The following CTNNA3 variants were observed in gnomAD, a reference collection of about 807,000 sequenced individuals.
The protein encoded by CTNNA3 is catenin alpha-3.
CTNNA3 carries 76 observed loss-of-function variants against 95.7 expected under a neutral mutation model. That is an observed-to-expected ratio of 0.79 (90% CI 0.66 to 0.96). The LOEUF (loss-of-function observed/expected upper bound fraction) is 0.96. CTNNA3 is among the 40% of genes least tolerant of loss of function. CTNNA3 has a pLI of 0.00. For synonymous variants in CTNNA3, 431 were observed against 374.4 expected (o/e 1.15, Z -1.74); for missense variants, 1,191 against 1,089.8 (o/e 1.09, Z -1.31).
Position 67,748,475 on chromosome 10 carries a change from C to G in CTNNA3, c.-2+14959G>C, listed in dbSNP as rs1841385074. Among the ~76,000 whole-genome samples the G allele has an allele frequency of 5.9e-5, 9 of 152,192 alleles. No homozygotes were observed. In the South Asian group the frequency reaches 1.9e-3, roughly 32 times the overall value. Reference sequence around the variant, plus strand: ...CAACATTCTTAAAGAAAAGAATTTCCAACCCAGAATTTCATATCCAGCCAA... The same window carrying G: ...CAACATTCTTAAAGAAAAGAATTTCGAACCCAGAATTTCATATCCAGCCAA... On this transcript the variant is annotated intron_variant, in intron 1 of 17. Coordinates refer to the CTNNA3 transcript ENST00000684154.
At chr10:67,341,649 A>G (rs926358367) in intron 5 of CTNNA3, among the ~76,000 whole-genome samples, 2 of 152,172 alleles carry the variant, frequency 1.3e-5, no homozygotes, top group African/African-American at 2.4e-5. Context: ...CAGTATTGCA[A>G]CAAACATGGG....
intron 7 of CTNNA3, among the ~76,000 whole-genome samples, chr10:66,880,613 G>A (rs1360946797): frequency 6.6e-6 from 1 of 151,990 alleles, no homozygotes; most frequent in Non-Finnish European, 1.5e-5. Flanking sequence ...GAATTTGCCA[G>A]TGACTTAAAA....
At chr10:66,023,998 A>G (rs2079278890) in intron 15 of CTNNA3, among the ~76,000 whole-genome samples, 1 of 152,048 alleles carries the variant, frequency 6.6e-6, no homozygotes, top group Non-Finnish European at 1.5e-5. Context: ...AACTAGAGTC[A>G]GATAGCTTCT....
At chr10:67,601,408 T>C (rs908907887) in intron 3 of CTNNA3, among the ~76,000 whole-genome samples, 1 of 152,112 alleles carries the variant, frequency 6.6e-6, no homozygotes, top group South Asian at 2.1e-4. Context: ...CTCACACTCC[T>C]ATGAGAATCT....
chr10:66,255,330 C>A (rs138813526), intron 13 of CTNNA3, among the ~76,000 whole-genome samples: 240 of 152,216 alleles, frequency 1.6e-3, no homozygotes, highest in Admixed American at 5.8e-3. Context: ...GTATCTAAAC[C>A]CAACATGGGT....
In CTNNA3 at chr10:66,069,314, A is replaced by G. The variant is rs767065242; in HGVS notation, c.2153T>C (p.Phe718Ser). ...TCGTTTTCCACATAATTACCTAGTG[A>G]AGTCTGTCATCTCCATCATGATCAT... ...MCMIMMEMTD[F>S]TRGKGPLKHT... Residue 718 changes from phenylalanine to serine, a missense_variant, in exon 15 of 18, where the codon TTC becomes TCC. Physicochemically the swap from Phe to Ser is radical, Grantham distance 155. Transcript: ENST00000433211. 4 of 1,613,076 alleles carry G rather than the reference A, an allele frequency of 2.5e-6. No homozygotes were observed. The highest frequency in any genetic ancestry group is 1.1e-5 in the South Asian group (1 of 91,040).
chr10:67,107,260 C>T (rs1858686684), intron 7 of CTNNA3, among the ~76,000 whole-genome samples: 1 of 152,224 alleles, frequency 6.6e-6, no homozygotes, highest in South Asian at 2.1e-4. Flanking sequence ...CAAATTAAAT[C>T]TCTTGGCCTT....
chr10:66,013,601 A>G (rs940464199), intron 15 of CTNNA3, among the ~76,000 whole-genome samples: 6 of 152,240 alleles, frequency 3.9e-5, no homozygotes, highest in African/African-American at 1.4e-4. Context: ...TTTGATGTCA[A>G]TGAAAACCTT....
At chr10:66,742,158 G>A (rs1296772475) in intron 9 of CTNNA3, among the ~76,000 whole-genome samples, 2 of 152,116 alleles carry the variant, frequency 1.3e-5, no homozygotes, top group Admixed American at 6.5e-5. Flanking sequence ...AGCAAGGAAC[G>A]TCCCTGAGAA....
intron 5 of CTNNA3, among the ~76,000 whole-genome samples, chr10:67,375,366 G>T (rs1843646439): frequency 6.6e-6 from 1 of 152,168 alleles, no homozygotes; most frequent in Non-Finnish European, 1.5e-5. Context: ...AGGACTTTGG[G>T]AAGCCGAGGT....
At chr10:66,972,700 ATT>A (rs56664927) in intron 7 of CTNNA3, among the ~76,000 whole-genome samples, 1,414 of 108,618 alleles carry the variant, frequency 0.013, 16 homozygotes, top group East Asian at 0.033. Context: ...TGTCAAATAG[ATT>A]TTTTTTTTTT....
intron 12 of CTNNA3, among the ~76,000 whole-genome samples, chr10:66,365,428 C>CT (rs1301410225): frequency 1.9e-4 from 29 of 152,188 alleles, no homozygotes; most frequent in Admixed American, 5.2e-4. Flanking sequence ...GTAGAAATAC[C>CT]TAATGTAAGT....
chr10:66,360,802 TTCCTTC>T (rs2092662236), intron 12 of CTNNA3, among the ~76,000 whole-genome samples: 3 of 80,148 alleles, frequency 3.7e-5, no homozygotes, highest in African/African-American at 1.7e-4. Context: ...CCTTCCTTCC[TTCCTTC>T]CTTCCTTCCT....
chr10:65,986,164 A>C (rs939690460), intron 16 of CTNNA3, among the ~76,000 whole-genome samples: 1 of 151,416 alleles, frequency 6.6e-6, no homozygotes, highest in African/African-American at 2.4e-5. Context: ...GTTGACTCTG[A>C]GTGTGAATCC....
upstream of CTNNA3, among the ~76,000 whole-genome samples, chr10:67,699,275 CATA>C (rs142965844): frequency 0.016 from 2,507 of 152,284 alleles, 71 homozygotes; most frequent in African/African-American, 0.057. Flanking sequence ...GTGCCTTCAT[CATA>C]ATACTTCCCA....
chr10:66,309,379 G>A (rs2091975341), intron 12 of CTNNA3, among the ~76,000 whole-genome samples: 1 of 151,794 alleles, frequency 6.6e-6, no homozygotes, highest in South Asian at 2.1e-4. Flanking sequence ...CGTCTCTGGA[G>A]CTCAAAATTC....
chr10:67,344,478 G>T (rs1048623051), intron 5 of CTNNA3, among the ~76,000 whole-genome samples: 26 of 151,914 alleles, frequency 1.7e-4, no homozygotes, highest in African/African-American at 6.3e-4. Flanking sequence ...CACTGGGTCT[G>T]GGCTTTTCTT....
At chr10:67,370,323 AATTT>A (rs1233320218) in intron 5 of CTNNA3, among the ~76,000 whole-genome samples, 3 of 152,078 alleles carry the variant, frequency 2.0e-5, no homozygotes, top group African/African-American at 7.2e-5. Context: ...TTTGATATAT[AATTT>A]ATTTCTGATA....
chr10:67,260,756 C>T (rs1933512229), intron 5 of CTNNA3, among the ~76,000 whole-genome samples: 1 of 151,974 alleles, frequency 6.6e-6, no homozygotes, highest in South Asian at 2.1e-4. Flanking sequence ...TCAATCTCGG[C>T]TCACTGCAAC....
Sources: gnomAD v4.1 joint callset for allele counts (sites outside exome capture counted in the v4.1 genomes callset) on GRCh38, gnomAD v4.1.1 for gene constraint, MANE v1.5 for transcripts, NCBI Gene and HGNC (gene_info 2026-07-23, HGNC 2026-07-21) for gene names.